The following ASTN2 variants were observed in gnomAD, a reference collection of about 807,000 sequenced individuals.
ASTN2 encodes astrotactin-2.
ASTN2 carries 54 observed loss-of-function variants against 139.8 expected under a neutral mutation model. The observed-to-expected ratio is 0.39, with a 90% CI of 0.31 to 0.48. ASTN2 has a LOEUF of 0.48. Among genes scored for constraint, ASTN2 ranks in the 20% least tolerant of loss-of-function variants. The pLI is 0.95. For synonymous variants in ASTN2, 756 were observed against 719.5 expected, an observed-to-expected ratio of 1.05 and a Z score of -0.81; for missense variants, 1,565 against 1,725.1, an observed-to-expected ratio of 0.91 and a Z score of 1.64.
intron 1 of ASTN2, among the ~76,000 whole-genome samples, chr9:117,319,145 T>A (rs1358870097): frequency 6.6e-6 from 1 of 152,194 alleles, no homozygotes; most frequent in Admixed American, 6.5e-5. Context: ...GGATGAGCTT[T>A]TTTTTATTAA....
chr9:117,052,063 G>A (rs147288821), intron 5 of ASTN2, among the ~76,000 whole-genome samples: 2 of 152,264 alleles, frequency 1.3e-5, no homozygotes, highest in Non-Finnish European at 2.9e-5. Context: ...TCTCAGCTCT[G>A]TCATGCTTTG....
chr9:117,329,436 A>AAGAGGGAGAGG (rs931696627), intron 1 of ASTN2, among the ~76,000 whole-genome samples: 23 of 152,020 alleles, frequency 1.5e-4, no homozygotes, highest in African/African-American at 5.1e-4. Flanking sequence ...CAGGAAAGGA[A>AAGAGGGAGAGG]AGAGGGAGAG....
chr9:116,946,762 G>A (rs965714531), intron 10 of ASTN2, among the ~76,000 whole-genome samples: 1 of 151,952 alleles, frequency 6.6e-6, no homozygotes, highest in Non-Finnish European at 1.5e-5. Context: ...TGCAGGGCAG[G>A]AAAAGGGTGG....
intron 6 of ASTN2, among the ~76,000 whole-genome samples, chr9:117,037,779 C>T (rs1398642307): frequency 6.6e-6 from 1 of 152,146 alleles, no homozygotes; most frequent in African/African-American, 2.4e-5. Context: ...TTTTCCACCT[C>T]AGTGTTCATC....
chr9:117,319,389 G>A (rs902616818), intron 1 of ASTN2, among the ~76,000 whole-genome samples: 1 of 151,970 alleles, frequency 6.6e-6, no homozygotes, highest in Admixed American at 6.6e-5. Flanking sequence ...TGTAAAATGG[G>A]GATAACAAAT....
chr9:117,404,338 A>C (rs1588017599), intron 1 of ASTN2, among the ~76,000 whole-genome samples: 1 of 152,308 alleles, frequency 6.6e-6, no homozygotes, highest in Admixed American at 6.5e-5. Flanking sequence ...ACCTAGCAAA[A>C]GTCTCACTCT....
In ASTN2 at chr9:116,426,016, G is replaced by A; in HGVS notation, c.3855C>T (p.Tyr1285=). Residue 1285 remains tyrosine (Y), a synonymous_variant, in exon 23 of 23, where the codon TAC becomes TAT. Transcript: ENST00000313400. ...SHCSSLLRSA[Y]IQSRVETVPY... ...GCACTGTTTCCACGCGGCTCTGGATGTAGGCACTCCGCAGGAGGCTGGAGC... is the reference window on the plus strand; with the variant it reads ...GCACTGTTTCCACGCGGCTCTGGATATAGGCACTCCGCAGGAGGCTGGAGC... 6.2e-7 allele frequency: 1 copy of A among 1,614,102 alleles called. No individual in the cohort carries two copies. The highest frequency in any genetic ancestry group is 8.5e-7 in the Non-Finnish European group (1 of 1,180,030).
intron 17 of ASTN2, among the ~76,000 whole-genome samples, chr9:116,650,918 CTTTT>C (rs753094674): frequency 1.4e-5 from 2 of 142,382 alleles, no homozygotes; most frequent in East Asian, 2.1e-4. Flanking sequence ...CCCTGCACTA[CTTTT>C]TTTTTTTTTT....
chr9:117,203,756 G>C (rs1831814236), intron 3 of ASTN2, among the ~76,000 whole-genome samples: 1 of 152,120 alleles, frequency 6.6e-6, no homozygotes, highest in Admixed American at 6.5e-5. Context: ...CTGACCTTGA[G>C]AGGCACCAAC....
In ASTN2 at chr9:117,067,951, A is replaced by C. The variant is rs1249816294; in HGVS notation, c.1277-27986T>G. Among the ~76,000 whole-genome samples, 2 of 118,540 alleles carry C rather than the reference A, an allele frequency of 1.7e-5. 1 individual carries two copies. The highest frequency in any genetic ancestry group is 3.6e-5 in the Non-Finnish European group (2 of 55,196). 77.8% of individuals were successfully genotyped at this position (118,540 alleles called of 152,430 possible). The stretch of plus-strand genomic sequence containing the variant: ...CTAGATATACAATCATGTCGTCTGC[A>C]AACAGGGACAATTTGACTTCCTCTT... On this transcript the variant is annotated intron_variant, in intron 5 of 22. Transcript: ENST00000313400.
chr9:116,954,688 A>C (rs1445904584), intron 10 of ASTN2, among the ~76,000 whole-genome samples: 2 of 152,234 alleles, frequency 1.3e-5, no homozygotes, highest in Non-Finnish European at 2.9e-5. Context: ...TGATGGGCCA[A>C]ATTGGCTCAT....
In ASTN2 at chr9:116,606,154, G is replaced by A. The variant is rs541921275; in HGVS notation, c.3355+12170C>T. 4.6e-5 allele frequency among the ~76,000 whole-genome samples: 7 copies of A among 152,216 alleles called. No individual in the cohort carries two copies. In the South Asian group the frequency reaches 8.3e-4, roughly 18 times the overall value. ...TTTTTAATACTGATGACAGATTAGC[G>A]TGCGGGGCATTCAGCCACCCCCCAC... On this transcript the variant is annotated intron_variant, in intron 19 of 22. Coordinates refer to ENST00000313400, the MANE Select transcript of ASTN2 (RefSeq NM_001365068.1).
intron 6 of ASTN2, among the ~76,000 whole-genome samples, chr9:117,030,657 T>C (rs940488273): frequency 6.6e-6 from 1 of 152,122 alleles, no homozygotes; most frequent in Non-Finnish European, 1.5e-5. Context: ...CCACTTGTCA[T>C]TTTAACCTGG....
chr9:117,129,236 T>A (rs2132833522), intron 4 of ASTN2, among the ~76,000 whole-genome samples: 1 of 152,276 alleles, frequency 6.6e-6, no homozygotes, highest in East Asian at 1.9e-4. Context: ...CTAGAAATGT[T>A]CTCCTTAACC....
intron 4 of ASTN2, among the ~76,000 whole-genome samples, chr9:117,117,774 C>T (rs1829434950): frequency 6.6e-6 from 1 of 152,138 alleles, no homozygotes; most frequent in South Asian, 2.1e-4. Flanking sequence ...TAACAATCCC[C>T]AACAGCTCTT....
intron 19 of ASTN2, among the ~76,000 whole-genome samples, chr9:116,563,935 G>A (rs1021919536): frequency 2.6e-5 from 4 of 152,158 alleles, no homozygotes; most frequent in Non-Finnish European, 5.9e-5. Flanking sequence ...AACTGAATTG[G>A]TAAGCAGATA....
At chr9:117,093,621 A>G (rs1828760845) in intron 5 of ASTN2, among the ~76,000 whole-genome samples, 1 of 152,112 alleles carries the variant, frequency 6.6e-6, no homozygotes, top group Non-Finnish European at 1.5e-5. Flanking sequence ...CTCCTGCCCA[A>G]ACTATATGAA....
intron 16 of ASTN2, among the ~76,000 whole-genome samples, chr9:116,716,536 T>A (rs549039932): frequency 6.6e-6 from 1 of 152,262 alleles, no homozygotes; most frequent in Non-Finnish European, 1.5e-5. Context: ...AAGATAAGAA[T>A]GGAAAACACC....
intron 7 of ASTN2, among the ~76,000 whole-genome samples, chr9:116,984,126 T>C (rs1836605772): frequency 6.6e-6 from 1 of 152,256 alleles, no homozygotes. Context: ...TCTCAGCATC[T>C]GAGTGATATC....
Sources: gnomAD v4.1 joint callset for allele counts (sites outside exome capture counted in the v4.1 genomes callset) on GRCh38, gnomAD v4.1.1 for gene constraint, MANE v1.5 for transcripts, NCBI Gene and HGNC (gene_info 2026-07-23, HGNC 2026-07-21) for gene names.